The following SLAIN2 variants were observed in gnomAD, a reference collection of about 807,000 sequenced individuals.
SLAIN2 encodes SLAIN family member 2, also known as SLAIN motif-containing protein 2.
In SLAIN2, 31 loss-of-function variants were observed where a neutral mutation model predicts 56.6. The observed-to-expected ratio is 0.55, with a 90% CI of 0.41 to 0.74. SLAIN2 has a LOEUF of 0.74. SLAIN2 is among the 30% of genes least tolerant of loss of function. SLAIN2 has a pLI of 0.00. For synonymous variants in SLAIN2, 317 were observed against 284.9 expected, an observed-to-expected ratio of 1.11 and a Z score of -1.13; for missense variants, 777 against 754.2, an observed-to-expected ratio of 1.03 and a Z score of -0.35.
intron 6 of SLAIN2, among the ~76,000 whole-genome samples, chr4:48,397,200 A>G (rs1408977820): frequency 6.6e-6 from 1 of 152,216 alleles, no homozygotes; most frequent in Non-Finnish European, 1.5e-5. Flanking sequence ...ATGCAGAGAT[A>G]ACAGGATATT....
intron 6 of SLAIN2, among the ~76,000 whole-genome samples, chr4:48,404,590 A>C (rs1049533373): frequency 1.3e-5 from 2 of 152,242 alleles, no homozygotes; most frequent in Non-Finnish European, 1.5e-5. Flanking sequence ...AAGAAAGAGC[A>C]TGGAGGCTGT....
At chr4:48,375,489 TTTTTTC>T (rs1488292615) in intron 2 of SLAIN2, among the ~76,000 whole-genome samples, 1 of 151,710 alleles carries the variant, frequency 6.6e-6, no homozygotes, top group Admixed American at 6.6e-5. Flanking sequence ...TATCTATCCT[TTTTTTC>T]TTTTTTTTCC....
At chr4:48,361,761 GATGGAGTTAACA>G (rs1308331317) in intron 1 of SLAIN2, among the ~76,000 whole-genome samples, 2 of 152,158 alleles carry the variant, frequency 1.3e-5, no homozygotes, top group African/African-American at 4.8e-5. Flanking sequence ...AGGTCAGTTT[GATGGAGTTAACA>G]TCTTGTCAGT....
At chr4:48,352,055 G>A (rs968118160) in intron 1 of SLAIN2, among the ~76,000 whole-genome samples, 2 of 152,184 alleles carry the variant, frequency 1.3e-5, no homozygotes, top group Non-Finnish European at 2.9e-5. Flanking sequence ...TCATTGGGTT[G>A]GAGATCATAC....
intron 1 of SLAIN2, among the ~76,000 whole-genome samples, chr4:48,346,321 A>C (rs986239906): frequency 1.3e-5 from 2 of 152,008 alleles, no homozygotes; most frequent in African/African-American, 2.4e-5. Flanking sequence ...TTAGTGATAA[A>C]ATTTCTGTTC....
chr4:48,394,150 C>T (rs80036100), intron 6 of SLAIN2, among the ~76,000 whole-genome samples: 4,527 of 152,320 alleles, frequency 0.03, 73 homozygotes, highest in Admixed American at 0.046. Flanking sequence ...TATGGTTTCA[C>T]ATTAGGGCAA....
rs527538401 is a variant in SLAIN2 at position 48,424,904 on chromosome 4, G to A, written c.*2827G>A. ...TACAGGTGTCCATTTTTGACGTTAAGCATGGTCCTTTAAGGTCACATGACG... is the reference window on the plus strand; with the variant it reads ...TACAGGTGTCCATTTTTGACGTTAAACATGGTCCTTTAAGGTCACATGACG... On this transcript the variant is annotated 3_prime_UTR_variant, in exon 8 of 8. Coordinates refer to ENST00000264313, the MANE Select transcript of SLAIN2 (RefSeq NM_020846.2). The A allele has an allele frequency of 1.2e-3, 179 of 152,150 alleles. No individual in the cohort carries two copies. Among genetic ancestry groups the A allele is most frequent in the African/African-American group, 3.7e-3 (155 of 41,528 alleles). 9.4% of individuals were successfully genotyped at this position (152,150 alleles called of 1,614,324 possible). A position where few individuals can be genotyped will look rare whatever the true frequency, so the allele number is the denominator to read the frequency against.
chr4:48,405,969 G>A (rs1383379152), intron 6 of SLAIN2, among the ~76,000 whole-genome samples: 6 of 152,190 alleles, frequency 3.9e-5, no homozygotes, highest in Admixed American at 6.5e-5. Flanking sequence ...AGATTTAAAC[G>A]TATTTTTTAA....
At chr4:48,363,394 G>A (rs1298118341) in intron 1 of SLAIN2, among the ~76,000 whole-genome samples, 2 of 67,600 alleles carry the variant, frequency 3.0e-5, no homozygotes, top group Non-Finnish European at 7.1e-5. Context: ...CGGGGGGGCT[G>A]ACCCCCCCCC....
chr4:48,363,896 C>CTCCG (rs1715422935), intron 1 of SLAIN2, among the ~76,000 whole-genome samples: 1 of 141,844 alleles, frequency 7.1e-6, no homozygotes, highest in African/African-American at 2.6e-5. Context: ...CCTCACCTCC[C>CTCCG]GGACGGCACG....
chr4:48,379,305 C>T lies in SLAIN2; in HGVS notation c.704-385C>T, dbSNP rs532542439. 2.0e-4 allele frequency among the ~76,000 whole-genome samples: 30 copies of T among 152,062 alleles called. 1 individual carries two copies. The highest frequency in any genetic ancestry group is 6.7e-4 in the African/African-American group (28 of 41,490). On this transcript the variant is annotated intron_variant, in intron 3 of 7. Transcript: ENST00000264313. ...TGGTGTTTGTCAATGACTGTGAATT[C>T]GGGAGAAGAAAACACTACATCATAA...
intron 1 of SLAIN2, among the ~76,000 whole-genome samples, chr4:48,356,200 G>A (rs1715149383): frequency 6.6e-6 from 1 of 152,184 alleles, no homozygotes. Context: ...CTATGGGTAA[G>A]ATCCTGTTTT....
chr4:48,342,389 T>C (rs1401682006), intron 1 of SLAIN2, among the ~76,000 whole-genome samples: 1 of 152,110 alleles, frequency 6.6e-6, no homozygotes, highest in Admixed American at 6.6e-5. Flanking sequence ...GGTCTGTGGG[T>C]TGGGGCAGCT....
intron 1 of SLAIN2, among the ~76,000 whole-genome samples, chr4:48,342,378 G>T (rs1208005036): frequency 6.6e-6 from 1 of 152,220 alleles, no homozygotes; most frequent in Admixed American, 6.5e-5. Flanking sequence ...GACCCTATTG[G>T]GGTCTGTGGG....
chr4:48,377,909 G>C lies in SLAIN2; in HGVS notation c.552G>C (p.Gln184His), dbSNP rs1176340535. The C allele has an allele frequency of 6.2e-7, 1 of 1,613,338 alleles. No homozygotes were observed. The highest frequency in any genetic ancestry group is 1.1e-5 in the South Asian group (1 of 90,908). ...TCATTAATGCAGCTCTCAAGAGGCA[G>C]AATTTATATAATAATCCTTTCAACT... ...LDQTMSALKR[Q>H]NLYNNPFNSM... The change falls in exon 3 of 8, where the codon CAG becomes CAC. Residue 184 changes from glutamine to histidine, a missense_variant. By Grantham distance (24) the Gln-to-His change is conservative. Coordinates refer to ENST00000264313, the MANE Select transcript of SLAIN2 (RefSeq NM_020846.2).
At chr4:48,365,382 G>C (rs1715486329) in intron 1 of SLAIN2, among the ~76,000 whole-genome samples, 1 of 138,010 alleles carries the variant, frequency 7.2e-6, no homozygotes, top group African/African-American at 2.7e-5. Flanking sequence ...AGGGAGAACA[G>C]CTTGAACCTG....
chr4:48,408,521 C>T (rs1245555037), intron 6 of SLAIN2, among the ~76,000 whole-genome samples: 8 of 65,892 alleles, frequency 1.2e-4, no homozygotes, highest in Admixed American at 2.3e-4. Context: ...TGTTTCTGTC[C>T]GTTTTTAGCA....
At chr4:48,363,917 C>CG (rs796638202) in intron 1 of SLAIN2, among the ~76,000 whole-genome samples, 19,011 of 114,340 alleles carry the variant, frequency 0.17, 2,052 homozygotes, top group Non-Finnish European at 0.24. Context: ...GCTGGCCAGG[C>CG]GGGGGGCTGA....
chr4:48,346,835 CT>C (rs71191209), intron 1 of SLAIN2, among the ~76,000 whole-genome samples: 38,165 of 127,960 alleles, frequency 0.3, 5,606 homozygotes, highest in South Asian at 0.47. Flanking sequence ...TTCTATTTCC[CT>C]TTTTTTTTTT....
Sources: allele counts gnomAD v4.1 joint callset (sites outside exome capture counted in the v4.1 genomes callset), GRCh38; gene constraint gnomAD v4.1.1; transcripts MANE v1.5; gene names NCBI Gene and HGNC (gene_info 2026-07-23, HGNC 2026-07-21).